Variants in DNAJC1 observed in about 807,000 individuals in gnomAD.
DNAJC1 encodes DnaJ heat shock protein family (Hsp40) member C1.
A neutral mutation model predicts 76.6 loss-of-function variants in DNAJC1; 58 were observed. That is an observed-to-expected ratio of 0.76 (90% CI 0.61 to 0.94). The LOEUF is 0.94. DNAJC1 is among the 40% of genes least tolerant of loss of function. The pLI is 0.00. For missense variants in DNAJC1, 689 were observed against 677.3 expected (o/e 1.02, Z -0.19); for synonymous variants, 258 against 267.9 (o/e 0.96, Z 0.36).
chr10:21,963,343 T>C (rs1837833578), intron 1 of DNAJC1, among the ~76,000 whole-genome samples: 1 of 152,186 alleles, frequency 6.6e-6, no homozygotes, highest in Non-Finnish European at 1.5e-5. Context: ...TTGAGATAAC[T>C]GAAGAACAGT....
At chr10:21,781,513 A>C (rs1834526968) in intron 9 of DNAJC1, among the ~76,000 whole-genome samples, 1 of 152,078 alleles carries the variant, frequency 6.6e-6, no homozygotes, top group Non-Finnish European at 1.5e-5. Flanking sequence ...CGAGGTCAGG[A>C]GATCAAGACC....
chr10:21,759,454 T>C lies in DNAJC1; in HGVS notation c.1312A>G (p.Thr438Ala), dbSNP rs768747936. 30 of 1,614,032 alleles carry C rather than the reference T, an allele frequency of 1.9e-5. No individual in the cohort carries two copies. Among genetic ancestry groups the C allele is most frequent in the African/African-American group, 2.7e-5 (2 of 74,946 alleles). The change falls in exon 11 of 12, where the codon ACT (threonine) becomes GCT (alanine). Residue 438 changes from threonine to alanine, a missense_variant. Coordinates refer to ENST00000376980, the MANE Select transcript of DNAJC1 (RefSeq NM_022365.4). ...TTCCGCCTCCGAGGCCGGGCATCAG[T>C]GGCCCCGGTCTCCTGCTCACCGGAG... ...GDSGEQETGATDARPRRRKPA... is the reference protein window; with the variant it reads ...GDSGEQETGAADARPRRRKPA...
rs537833544 is a variant in DNAJC1 at position 21,806,465 on chromosome 10, G to T, written c.979-366C>A. ...CATCCTTGCTATAAAATGCAGTGCTGCTCATAAATGCCTCACATAAAGTTA... is the reference window on the plus strand; with the variant it reads ...CATCCTTGCTATAAAATGCAGTGCTTCTCATAAATGCCTCACATAAAGTTA... On this transcript the variant is annotated intron_variant, in intron 8 of 11. Transcript: ENST00000376980. Among the ~76,000 whole-genome samples, 92 of 151,218 alleles carry T rather than the reference G, an allele frequency of 6.1e-4. 1 individual carries two copies. Among genetic ancestry groups the T allele is most frequent in the African/African-American group, 2.2e-3 (91 of 41,298 alleles).
At chr10:21,900,220 G>A (rs760834836) in intron 7 of DNAJC1, among the ~76,000 whole-genome samples, 11 of 151,874 alleles carry the variant, frequency 7.2e-5, no homozygotes, top group South Asian at 2.1e-4. Context: ...GTGCACACCC[G>A]TAATCCTAGC....
chr10:21,863,301 T>G (rs1051124281), intron 8 of DNAJC1, among the ~76,000 whole-genome samples: 1 of 151,964 alleles, frequency 6.6e-6, no homozygotes, highest in Admixed American at 6.6e-5. Flanking sequence ...ATAGTAATAT[T>G]AGAAATAAGA....
intron 8 of DNAJC1, among the ~76,000 whole-genome samples, chr10:21,833,527 A>G (rs1835396440): frequency 6.6e-6 from 1 of 152,192 alleles, no homozygotes. Context: ...AAACCAGTGA[A>G]GTGGGTGTGA....
rs780935263 is a variant in DNAJC1, at chr10:21,959,804, A to AAC, written c.223-30664_223-30663insGT. ...CCATCTCAAAAAAAACAAAAACAAA[A>AAC]AAAAAAAAAAGAAGAGAGAAATCCA... On this transcript the variant is annotated intron_variant, in intron 1 of 11. Coordinates refer to ENST00000376980, the MANE Select transcript of DNAJC1 (RefSeq NM_022365.4). Among the ~76,000 whole-genome samples, 168 of 151,124 alleles carry AAC rather than the reference A, an allele frequency of 1.1e-3. 3 individuals carry two copies. Among genetic ancestry groups the AAC allele is most frequent in the African/African-American group, 3.7e-3 (152 of 41,104 alleles).
At chr10:21,884,206 A>G (rs977092103) in intron 7 of DNAJC1, among the ~76,000 whole-genome samples, 5 of 152,228 alleles carry the variant, frequency 3.3e-5, no homozygotes, top group African/African-American at 9.6e-5. Flanking sequence ...GAAGATTGCT[A>G]TAAACAGATT....
chr10:21,864,466 CA>C (rs1157059203), intron 8 of DNAJC1, among the ~76,000 whole-genome samples: 1 of 151,672 alleles, frequency 6.6e-6, no homozygotes, highest in Non-Finnish European at 1.5e-5. Context: ...CTAAAAAATA[CA>C]AAAAACTAGC....
At chr10:21,936,091 C>T (rs1837307433) in intron 1 of DNAJC1, among the ~76,000 whole-genome samples, 1 of 152,176 alleles carries the variant, frequency 6.6e-6, no homozygotes, top group African/African-American at 2.4e-5. Flanking sequence ...ATCTAATCCC[C>T]CATGTGATGG....
At chr10:21,768,127 A>T (rs958074774) in intron 9 of DNAJC1, among the ~76,000 whole-genome samples, 9 of 152,216 alleles carry the variant, frequency 5.9e-5, no homozygotes, top group African/African-American at 2.2e-4. Flanking sequence ...ATGGGGTTAA[A>T]GTTATTAATT....
intron 9 of DNAJC1, among the ~76,000 whole-genome samples, chr10:21,800,960 A>T (rs60795110): frequency 0.033 from 5,058 of 152,286 alleles, 139 homozygotes; most frequent in Middle Eastern, 0.065. Context: ...AGAATTAACC[A>T]GAGGTAAAAA....
intron 1 of DNAJC1, among the ~76,000 whole-genome samples, chr10:21,937,844 A>G (rs1273374196): frequency 6.6e-6 from 1 of 152,184 alleles, no homozygotes; most frequent in African/African-American, 2.4e-5. Context: ...TGTGGAAATT[A>G]AACAACACAT....
At chr10:21,935,814 T>C (rs1202695526) in intron 1 of DNAJC1, among the ~76,000 whole-genome samples, 1 of 151,370 alleles carries the variant, frequency 6.6e-6, no homozygotes, top group East Asian at 1.9e-4. Context: ...GGTAGTAAAT[T>C]AACATGAAAA....
intron 9 of DNAJC1, among the ~76,000 whole-genome samples, chr10:21,768,845 G>A (rs1303289794): frequency 6.6e-6 from 1 of 152,000 alleles, no homozygotes; most frequent in Non-Finnish European, 1.5e-5. Context: ...TCCCCTTGAG[G>A]CTAAATCTGC....
chr10:21,817,584 G>C (rs911518803), intron 8 of DNAJC1, among the ~76,000 whole-genome samples: 2 of 152,034 alleles, frequency 1.3e-5, no homozygotes, highest in Non-Finnish European at 2.9e-5. Flanking sequence ...CTCCTAGGAA[G>C]TTCATACAAG....
chr10:21,794,876 T>G (rs1317339454), intron 9 of DNAJC1, among the ~76,000 whole-genome samples: 1 of 152,178 alleles, frequency 6.6e-6, no homozygotes, highest in African/African-American at 2.4e-5. Context: ...CCAAAATGCT[T>G]GTGACCAAAA....
At chr10:21,783,804 G>A (rs1056183486) in intron 9 of DNAJC1, among the ~76,000 whole-genome samples, 1 of 152,136 alleles carries the variant, frequency 6.6e-6, no homozygotes, top group African/African-American at 2.4e-5. Flanking sequence ...AATGGGGAAA[G>A]GATTCCCTAT....
chr10:21,919,955 C>T (rs1837014461), intron 4 of DNAJC1, 26 bp from the exon 5 acceptor site: 4 of 1,444,694 alleles, frequency 2.8e-6, no homozygotes, highest in Non-Finnish European at 3.8e-6. Flanking sequence ...ATTATGGTTA[C>T]AGGTTATCAT....
Sources: allele counts gnomAD v4.1 joint callset (sites outside exome capture counted in the v4.1 genomes callset), GRCh38; gene constraint gnomAD v4.1.1; transcripts MANE v1.5; gene names NCBI Gene and HGNC (gene_info 2026-07-23, HGNC 2026-07-21).